Variants in CIB1 observed in about 807,000 individuals in gnomAD.
CIB1 encodes calcium and integrin-binding protein 1.
In CIB1, 19 loss-of-function variants were observed where a neutral mutation model predicts 25.0. The ratio of observed to expected loss-of-function variants is 0.76; its 90% CI spans 0.53 to 1.12. The LOEUF (loss-of-function observed/expected upper bound fraction) is 1.12. Among genes scored for constraint, CIB1 ranks in the 50% most tolerant of loss-of-function variants. The pLI is 0.00. For missense variants in CIB1, 236 were observed against 242.6 expected, an observed-to-expected ratio of 0.97 and a Z score of 0.18; for synonymous variants, 104 against 98.5, an observed-to-expected ratio of 1.06 and a Z score of -0.33.
the CIB1 span, among the ~76,000 whole-genome samples, chr15:90,260,060 G>A: frequency 1.1e-3 from 168 of 152,320 alleles, no homozygotes; most frequent in Non-Finnish European, 1.9e-3. Flanking sequence ...AAGTAGAACT[G>A]TAATATACTG....
upstream of CIB1, among the ~76,000 whole-genome samples, chr15:90,234,861 T>C (rs571306437): frequency 1.3e-5 from 2 of 152,292 alleles, no homozygotes; most frequent in African/African-American, 4.8e-5. Context: ...ATCGAATGCA[T>C]AATAAATGAA....
Position 90,233,837 on chromosome 15 carries a change from G to A in CIB1, c.49C>T (p.Gln17Ter). 1 of 1,540,620 alleles carries A rather than the reference G, an allele frequency of 6.5e-7. No homozygotes were observed. Among genetic ancestry groups the A allele is most frequent in the Non-Finnish European group, 8.8e-7 (1 of 1,142,632 alleles). The change falls in exon 1 of 7, where the codon CAG (glutamine) becomes TAG (stop). Residue 17 changes from glutamine (Q) to a stop codon, truncating the protein, a stop_gained and splice_region_variant. Coordinates refer to ENST00000328649, the MANE Select transcript of CIB1 (RefSeq NM_006384.4). LOFTEE classifies it high-confidence loss of function. Reference protein sequence around the residue: ...RLSKELLAEYQDLTFLTKQEI... With the variant: ...RLSKELLAEY Reference sequence around the variant, plus strand: ...CCAGGGCCAGGCGTCCCGCGCACCTGGTACTCGGCCAGCAGCTCCTTGGAC... The same window carrying A: ...CCAGGGCCAGGCGTCCCGCGCACCTAGTACTCGGCCAGCAGCTCCTTGGAC...
At chr15:90,236,821 C>A (rs1443904343), upstream of CIB1, among the ~76,000 whole-genome samples, 1 of 152,056 alleles carries the variant, frequency 6.6e-6, no homozygotes, top group African/African-American at 2.4e-5. Flanking sequence ...CACGCCCGGC[C>A]TCTCATGGTA....
the CIB1 span, chr15:90,259,154 A>G: frequency 4.5e-6 from 4 of 882,598 alleles, no homozygotes; most frequent in South Asian, 5.3e-5. Context: ...CTTGAGCCCT[A>G]GAGTTCAACA....
At chr15:90,256,138 T>A in the CIB1 span, 1 of 1,613,966 alleles carries the variant, frequency 6.2e-7, no homozygotes, top group East Asian at 2.2e-5. Flanking sequence ...TCTCTGCACA[T>A]AGCTATGGGG....
chr15:90,263,192 G>C, the CIB1 span: 1 of 1,454,536 alleles, frequency 6.9e-7, no homozygotes, highest in South Asian at 1.3e-5. Flanking sequence ...AACAAGGGCT[G>C]TCATTCCAGG....
At chr15:90,250,535 T>C in the CIB1 span, 1 of 1,449,840 alleles carries the variant, frequency 6.9e-7, no homozygotes, top group Non-Finnish European at 9.3e-7. Flanking sequence ...TGAAGGTCGT[T>C]CTGGTGGATT....
the CIB1 span, chr15:90,257,515 T>C: frequency 9.6e-7 from 1 of 1,037,544 alleles, no homozygotes. Context: ...AGCAGTCCTC[T>C]GGTGGAGAGA....
At chr15:90,258,253 A>C in the CIB1 span, 1 of 1,614,208 alleles carries the variant, frequency 6.2e-7, no homozygotes, top group African/African-American at 1.3e-5. Context: ...CACAAGTTGA[A>C]GCCCTGGCTG....
At chr15:90,252,599 C>T in the CIB1 span, among the ~76,000 whole-genome samples, 1 of 152,188 alleles carries the variant, frequency 6.6e-6, no homozygotes, top group East Asian at 1.9e-4. Context: ...CCCTAATATT[C>T]CCTCTGGCAT....
At chr15:90,233,727 G>A (rs886452205) in intron 1 of CIB1, 24 bp from the exon 2 acceptor site, 1 of 1,565,010 alleles carries the variant, frequency 6.4e-7, no homozygotes, top group Middle Eastern at 1.7e-4. Flanking sequence ...CCAGAGCGGG[G>A]ATTAGCGGAC....
intron 3 of CIB1, 87 bp from the exon 4 acceptor site, chr15:90,231,594 A>G: frequency 6.8e-7 from 1 of 1,470,008 alleles, no homozygotes; most frequent in Non-Finnish European, 9.2e-7. Context: ...TCACAGGACC[A>G]GCACCAGCGA....
At chr15:90,246,130 G>A in the CIB1 span, among the ~76,000 whole-genome samples, 5 of 151,970 alleles carry the variant, frequency 3.3e-5, no homozygotes, top group East Asian at 1.9e-4. Flanking sequence ...AAAATTAACC[G>A]GGCATGGTGG....
chr15:90,263,095 C>T, the CIB1 span: 6 of 1,535,944 alleles, frequency 3.9e-6, no homozygotes, highest in Admixed American at 2.0e-5. Context: ...GCAGCTCACC[C>T]GTCTGCAGCA....
the CIB1 span, among the ~76,000 whole-genome samples, chr15:90,251,371 G>A: frequency 9.5e-5 from 14 of 146,876 alleles, no homozygotes; most frequent in Admixed American, 2.8e-4. Flanking sequence ...TGATCCACCC[G>A]CCTCGGCCTC....
At chr15:90,254,287 G>A in the CIB1 span, among the ~76,000 whole-genome samples, 1 of 151,582 alleles carries the variant, frequency 6.6e-6, no homozygotes. Flanking sequence ...GAGGTCAGGA[G>A]TTCAAGACCA....
At chr15:90,242,021 C>T in the CIB1 span, 9 of 1,613,656 alleles carry the variant, frequency 5.6e-6, no homozygotes, top group Admixed American at 5.0e-5. Flanking sequence ...AGGCAGAAGA[C>T]GTACAGGCAG....
chr15:90,262,388 A>G, the CIB1 span: 2 of 1,296,518 alleles, frequency 1.5e-6, no homozygotes, highest in African/African-American at 3.0e-5. Context: ...ATCAGTCCTA[A>G]GAACAGATTG....
chr15:90,256,994 T>G, the CIB1 span: 12 of 792,546 alleles, frequency 1.5e-5, no homozygotes, highest in Non-Finnish European at 2.1e-5. Context: ...CCTCTCCTCA[T>G]TTATTAAGTG....
Sources: allele counts gnomAD v4.1 joint callset (sites outside exome capture counted in the v4.1 genomes callset), GRCh38; gene constraint gnomAD v4.1.1; transcripts MANE v1.5; gene names NCBI Gene and HGNC (gene_info 2026-07-23, HGNC 2026-07-21).